SSB: variants seen among roughly 807,000 people sequenced by gnomAD.
SSB encodes lupus La protein.
A neutral mutation model predicts 52.9 loss-of-function variants in SSB; 17 were observed. The ratio of observed to expected loss-of-function variants is 0.32; its 90% CI spans 0.22 to 0.48. The LOEUF is 0.48. Ranked by LOEUF, SSB falls within the 20% of genes least tolerant of loss-of-function variation. SSB has a pLI of 0.99. For synonymous variants in SSB, 111 were observed against 152.1 expected (o/e 0.73, Z 1.99); for missense variants, 314 against 463.6 (o/e 0.68, Z 2.96).
In SSB at chr2:169,804,990, C is replaced by T. The variant is rs375618556; in HGVS notation, c.67-484C>T. ...CTAAAAATAACAAAAATTCGCTGGG[C>T]GTGGTGGTACATGCCTGTAATCCCA... On this transcript the variant is annotated intron_variant, in intron 2 of 11. Transcript: ENST00000260956. Among the ~76,000 whole-genome samples the T allele has an allele frequency of 1.1e-4, 17 of 152,074 alleles. No homozygotes were observed. In the East Asian group the frequency reaches 2.7e-3, roughly 24 times the overall value.
chr2:169,805,201 C>T (rs531878160), intron 2 of SSB, among the ~76,000 whole-genome samples: 22 of 152,314 alleles, frequency 1.4e-4, no homozygotes, highest in African/African-American at 4.8e-4. Flanking sequence ...GTTCTTTCCA[C>T]ACTGATTTGC....
At chr2:169,807,412 C>T (rs1047960239) in intron 6 of SSB, among the ~76,000 whole-genome samples, 1 of 152,108 alleles carries the variant, frequency 6.6e-6, no homozygotes, top group African/African-American at 2.4e-5. Context: ...CCTCAGCCTC[C>T]TGAGTAGCTG....
At chr2:169,799,113 G>C (rs1230146500) in intron 1 of SSB, 137 bp downstream of exon 1, 1 of 152,064 alleles carries the variant, frequency 6.6e-6, no homozygotes, top group Non-Finnish European at 1.5e-5. Flanking sequence ...GCCGAGCGCC[G>C]CGTGGGCCGC....
chr2:169,804,802 G>A (rs927116636), intron 2 of SSB, among the ~76,000 whole-genome samples: 24 of 142,354 alleles, frequency 1.7e-4, no homozygotes, highest in African/African-American at 5.4e-4. Context: ...GATTACAGGC[G>A]TGCGGCACCG....
intron 2 of SSB, among the ~76,000 whole-genome samples, chr2:169,804,315 C>T (rs984407198): frequency 2.8e-5 from 4 of 142,082 alleles, no homozygotes; most frequent in African/African-American, 8.0e-5. Flanking sequence ...CACAATTATG[C>T]CTCACTGCAG....
chr2:169,809,511 C>T (rs1248780269), intron 8 of SSB, among the ~76,000 whole-genome samples: 1 of 152,104 alleles, frequency 6.6e-6, no homozygotes, highest in African/African-American at 2.4e-5. Context: ...TAGGTTAATA[C>T]TAACATGACT....
intron 7 of SSB, 87 bp from the exon 8 acceptor site, chr2:169,808,773 T>C: frequency 3.4e-6 from 4 of 1,192,434 alleles, no homozygotes; most frequent in Admixed American, 2.0e-5. Flanking sequence ...TAAGTAAGTT[T>C]AGTGATCATG....
chr2:169,808,486 G>T lies in SSB; in HGVS notation c.559G>T (p.Asp187Tyr). 6.2e-7 allele frequency: 1 copy of T among 1,613,206 alleles called. No individual in the cohort carries two copies. The highest frequency in any genetic ancestry group is 8.5e-7 in the Non-Finnish European group (1 of 1,179,422). Residue 187 changes from aspartate (D) to tyrosine (Y), a missense_variant, in exon 7 of 12, where the codon GAT becomes TAT. Physicochemically the swap from Asp to Tyr is radical, Grantham distance 160. Coordinates refer to ENST00000260956, the MANE Select transcript of SSB (RefSeq NM_003142.5). Reference protein sequence around the residue: ...ETDLLILFKDDYFAKKNEERK... With the variant: ...ETDLLILFKDYYFAKKNEERK... ...TCTGTACTGTGTGTTCTTTAGGGAC[G>T]ATTACTTTGCCAAAAAAAATGAAGA...
In SSB at chr2:169,811,327, AG is replaced by A. The variant is rs1689950718; in HGVS notation, c.1138+5del. ...CATGATGAAAATGGTGCAACTGGTAAGTTTTTTTTAAGTCCTTTGGTAGTTT... is the reference window on the plus strand; with the variant it reads ...CATGATGAAAATGGTGCAACTGGTAATTTTTTTTAAGTCCTTTGGTAGTTT... On this transcript the variant is annotated splice_donor_5th_base_variant and intron_variant, in intron 11 of 11. Coordinates refer to ENST00000260956, the MANE Select transcript of SSB (RefSeq NM_003142.5). 8 of 1,565,704 alleles carry A rather than the reference AG, an allele frequency of 5.1e-6. No homozygotes were observed. Among genetic ancestry groups the A allele is most frequent in the Non-Finnish European group, 6.9e-6 (8 of 1,163,126 alleles).
chr2:169,809,487 A>G (rs1689898865), intron 8 of SSB, among the ~76,000 whole-genome samples: 1 of 152,254 alleles, frequency 6.6e-6, no homozygotes, highest in African/African-American at 2.4e-5. Context: ...TATAACTTCT[A>G]AAGATTCTAA....
chr2:169,799,630 G>A (rs980840608), intron 1 of SSB: 1 of 152,084 alleles, frequency 6.6e-6, no homozygotes, highest in African/African-American at 2.4e-5. Flanking sequence ...TTATTTCATC[G>A]TTTGCTTTGT....
intron 2 of SSB, 141 bp from the exon 3 acceptor site, chr2:169,805,333 C>A: frequency 3.3e-6 from 2 of 597,428 alleles, no homozygotes; most frequent in Non-Finnish European, 5.8e-6. Context: ...AATTTGTAAA[C>A]ATTATTGTAT....
At chr2:169,807,962 C>G (rs1199527502) in intron 6 of SSB, among the ~76,000 whole-genome samples, 1 of 151,794 alleles carries the variant, frequency 6.6e-6, no homozygotes, top group Non-Finnish European at 1.5e-5. Context: ...TGTGATGGGT[C>G]ATAGTATCAG....
At chr2:169,799,438 A>C (rs1229542690) in intron 1 of SSB, 1 of 152,134 alleles carries the variant, frequency 6.6e-6, no homozygotes, top group Admixed American at 6.5e-5. Flanking sequence ...TTTGGGCCGC[A>C]GATGTACACC....
chr2:169,808,942 G>T (rs751109116), intron 8 of SSB, 40 bp downstream of exon 8: 6 of 1,482,004 alleles, frequency 4.0e-6, no homozygotes, highest in South Asian at 1.1e-5. Flanking sequence ...TCTGTAATTC[G>T]AAGTTAAATG....
chr2:169,800,698 G>C (rs1689695278), intron 1 of SSB, among the ~76,000 whole-genome samples: 1 of 152,090 alleles, frequency 6.6e-6, no homozygotes, highest in Non-Finnish European at 1.5e-5. Flanking sequence ...AAGATAAACA[G>C]TTTCTTGTTA....
intron 1 of SSB, chr2:169,799,191 C>G (rs769167044): frequency 1.3e-5 from 2 of 150,896 alleles, no homozygotes; most frequent in South Asian, 4.2e-4. Flanking sequence ...AATGCGGGAT[C>G]CTGGGGTTCC....
At chr2:169,803,325 C>T (rs958749251) in intron 2 of SSB, among the ~76,000 whole-genome samples, 3 of 151,966 alleles carry the variant, frequency 2.0e-5, no homozygotes, top group Middle Eastern at 3.4e-3. Context: ...AGTGCAGTGG[C>T]GTGATCTTGG....
At chr2:169,803,987 C>T (rs921546990) in intron 2 of SSB, among the ~76,000 whole-genome samples, 2 of 152,194 alleles carry the variant, frequency 1.3e-5, no homozygotes, top group African/African-American at 4.8e-5. Context: ...AATTGACCCG[C>T]CTCAGCCTCC....
Sources: allele counts gnomAD v4.1 joint callset (sites outside exome capture counted in the v4.1 genomes callset), GRCh38; gene constraint gnomAD v4.1.1; transcripts MANE v1.5; gene names NCBI Gene and HGNC (gene_info 2026-07-23, HGNC 2026-07-21).